The following HCN1 variants were observed in gnomAD, a reference collection of about 807,000 sequenced individuals.
The protein encoded by HCN1 is potassium/sodium hyperpolarization-activated cyclic nucleotide-gated channel 1.
In HCN1, 13 loss-of-function variants were observed where a neutral mutation model predicts 78.9. The observed-to-expected ratio is 0.16, with a 90% confidence interval of 0.11 to 0.26. The LOEUF is 0.26. Among genes scored for constraint, HCN1 ranks in the 10% least tolerant of loss-of-function variants. The pLI is 1.00. For synonymous variants in HCN1, 552 were observed against 455.5 expected, an observed-to-expected ratio of 1.21 and a Z score of -2.70; for missense variants, 810 against 1,154.3, an observed-to-expected ratio of 0.70 and a Z score of 4.32.
intron 3 of HCN1, among the ~76,000 whole-genome samples, chr5:45,433,572 C>T (rs1269986019): frequency 6.6e-6 from 1 of 151,982 alleles, no homozygotes; most frequent in Non-Finnish European, 1.5e-5. Flanking sequence ...AGCCTATTTA[C>T]ATTCAAAGTT....
At chr5:45,341,243 C>A (rs1457378659) in intron 5 of HCN1, among the ~76,000 whole-genome samples, 1 of 152,158 alleles carries the variant, frequency 6.6e-6, no homozygotes, top group Non-Finnish European at 1.5e-5. Flanking sequence ...CATCAATTTG[C>A]AAGGAAAAAA....
At chr5:45,372,115 T>TTATATATATATTATA (rs1377811791) in intron 4 of HCN1, among the ~76,000 whole-genome samples, 8 of 51,450 alleles carry the variant, frequency 1.6e-4, no homozygotes, top group African/African-American at 8.7e-4. Context: ...TATAATATAA[T>TTATATATATATTATA]TATATATTAT....
intron 5 of HCN1, among the ~76,000 whole-genome samples, chr5:45,309,350 C>T (rs760443709): frequency 2.0e-5 from 3 of 152,074 alleles, no homozygotes; most frequent in East Asian, 1.9e-4. Flanking sequence ...TATTTGGATG[C>T]CCTTTATTTA....
At chr5:45,640,050 T>C (rs1185275364) in intron 2 of HCN1, among the ~76,000 whole-genome samples, 1 of 152,144 alleles carries the variant, frequency 6.6e-6, no homozygotes, top group African/African-American at 2.4e-5. Flanking sequence ...AGATTCAAAA[T>C]TCAGTTCAGT....
chr5:45,448,603 C>A (rs948178104), intron 3 of HCN1, among the ~76,000 whole-genome samples: 6 of 152,080 alleles, frequency 3.9e-5, no homozygotes, highest in Non-Finnish European at 5.9e-5. Flanking sequence ...TTTCTTTAGC[C>A]ACGTTTATGC....
At chr5:45,437,742 G>T (rs1740585113) in intron 3 of HCN1, among the ~76,000 whole-genome samples, 1 of 152,210 alleles carries the variant, frequency 6.6e-6, no homozygotes, top group East Asian at 1.9e-4. Context: ...ATTATCTATT[G>T]CTGTATAACA....
intron 2 of HCN1, among the ~76,000 whole-genome samples, chr5:45,529,970 T>A (rs962165450): frequency 3.3e-5 from 5 of 152,154 alleles, no homozygotes; most frequent in African/African-American, 1.2e-4. Context: ...TAAAGATATG[T>A]AACATGCTTC....
At chr5:45,582,702 C>T (rs1000432467) in intron 2 of HCN1, among the ~76,000 whole-genome samples, 1 of 152,136 alleles carries the variant, frequency 6.6e-6, no homozygotes, top group African/African-American at 2.4e-5. Flanking sequence ...CCCATCAATA[C>T]CTAATTTATT....
At chr5:45,559,123 C>T (rs959493648) in intron 2 of HCN1, 3 of 151,760 alleles carry the variant, frequency 2.0e-5, no homozygotes, top group African/African-American at 7.3e-5. Flanking sequence ...TTGAGACCGA[C>T]TGTTCAGAAA....
At chr5:45,605,227 C>T (rs938089751) in intron 2 of HCN1, among the ~76,000 whole-genome samples, 2 of 151,868 alleles carry the variant, frequency 1.3e-5, no homozygotes, top group African/African-American at 4.8e-5. Context: ...TGAATCTAAC[C>T]TACTATCTAA....
intron 2 of HCN1, among the ~76,000 whole-genome samples, chr5:45,584,288 C>A (rs1030555926): frequency 2.0e-5 from 3 of 151,316 alleles, no homozygotes; most frequent in African/African-American, 4.9e-5. Flanking sequence ...ATGTAATGGC[C>A]TTCTTTGTCT....
At chr5:45,549,544 C>T (rs886721064) in intron 2 of HCN1, among the ~76,000 whole-genome samples, 1 of 152,100 alleles carries the variant, frequency 6.6e-6, no homozygotes, top group African/African-American at 2.4e-5. Flanking sequence ...CATAAAAACC[C>T]TAGAAGAAAA....
At chr5:45,636,434 G>GA (rs1365801480) in intron 2 of HCN1, among the ~76,000 whole-genome samples, 4 of 152,116 alleles carry the variant, frequency 2.6e-5, no homozygotes, top group Non-Finnish European at 5.9e-5. Flanking sequence ...ACAGAGAAAG[G>GA]AAAAACTAAG....
intron 3 of HCN1, among the ~76,000 whole-genome samples, chr5:45,450,250 C>A (rs980043947): frequency 5.3e-5 from 8 of 152,092 alleles, no homozygotes; most frequent in Non-Finnish European, 8.8e-5. Context: ...AAGATAAACT[C>A]CCATTTTTAA....
intron 5 of HCN1, among the ~76,000 whole-genome samples, chr5:45,350,591 G>C (rs1190738709): frequency 2.0e-5 from 3 of 151,392 alleles, no homozygotes; most frequent in Non-Finnish European, 4.4e-5. Context: ...AATTGTCCCT[G>C]TTTGCAGATG....
At chr5:45,568,993 T>C (rs1237305611) in intron 2 of HCN1, among the ~76,000 whole-genome samples, 3 of 152,038 alleles carry the variant, frequency 2.0e-5, no homozygotes, top group Non-Finnish European at 4.4e-5. Flanking sequence ...CCTAGACAGG[T>C]TACTCTCTGA....
intron 5 of HCN1, among the ~76,000 whole-genome samples, chr5:45,312,686 A>G (rs1283390951): frequency 2.0e-5 from 3 of 152,174 alleles, no homozygotes; most frequent in Non-Finnish European, 4.4e-5. Flanking sequence ...CACTTTTCCA[A>G]TGGTCTTAGC....
At chr5:45,362,359 C>T (rs1011852220) in intron 4 of HCN1, among the ~76,000 whole-genome samples, 4 of 152,004 alleles carry the variant, frequency 2.6e-5, no homozygotes, top group African/African-American at 7.2e-5. Context: ...GTTTCTTTCA[C>T]TCACAGAAGA....
intron 2 of HCN1, among the ~76,000 whole-genome samples, chr5:45,496,872 G>A (rs1399748866): frequency 1.3e-5 from 2 of 152,132 alleles, no homozygotes; most frequent in Non-Finnish European, 2.9e-5. Flanking sequence ...ACACTGCTTT[G>A]AATGTGTCCC....
Sources: gnomAD v4.1 joint callset for allele counts (sites outside exome capture counted in the v4.1 genomes callset) on GRCh38, gnomAD v4.1.1 for gene constraint, MANE v1.5 for transcripts, NCBI Gene and HGNC (gene_info 2026-07-23, HGNC 2026-07-21) for gene names.